WBP4: variants seen among roughly 807,000 people sequenced by gnomAD.
WBP4 encodes the protein WW domain binding protein 4.
A neutral mutation model predicts 55.4 loss-of-function variants in WBP4; 37 were observed. The ratio of observed to expected loss-of-function variants is 0.67; its 90% CI spans 0.51 to 0.88. The LOEUF is 0.88. Among genes scored for constraint, WBP4 ranks in the 40% least tolerant of loss-of-function variants. The probability of loss-of-function intolerance (pLI) is 0.00; values close to 1 mark genes in which losing one functional copy is unlikely to be tolerated. For synonymous variants in WBP4, 142 were observed against 140.2 expected (o/e 1.01, Z -0.09); for missense variants, 398 against 420.8 (o/e 0.95, Z 0.47).
In WBP4 at chr13:41,065,216, A is replaced by T. The variant is rs371424833; in HGVS notation, c.191A>T (p.Glu64Val). The T allele has an allele frequency of 1.3e-5, 20 of 1,586,446 alleles. No homozygotes were observed. The highest frequency in any genetic ancestry group is 1.6e-5 in the Non-Finnish European group (19 of 1,163,290). The change falls in exon 4 of 10, where the codon GAG (glutamate) becomes GTG (valine). Residue 64 changes from glutamate (E) to valine (V), a missense_variant. Glu to Val is a moderately radical substitution (Grantham distance 121). Coordinates refer to ENST00000379487, the MANE Select transcript of WBP4 (RefSeq NM_007187.5). ...AAGGAAGAAGAAAAGGCATCAAAGG[A>T]GTTTGCTGCAATGGAGGCAGCTGCC... Reference protein sequence around the residue: ...KAKEEEKASKEFAAMEAAALK... With the variant: ...KAKEEEKASKVFAAMEAAALK...
chr13:41,062,245 G>T, intron 1 of WBP4: 1 of 984,748 alleles, frequency 1.0e-6, no homozygotes, highest in South Asian at 4.7e-5. Context: ...AGTCTTGTAC[G>T]TTGTTCTCTT....
At position 41,075,532 on chromosome 13, in the gene WBP4, G is replaced by A. The variant is rs917376131; in HGVS notation, c.563-512G>A. The stretch of plus-strand genomic sequence containing the variant: ...GAGTAGTGGGTACTGCAGGAATATG[G>A]CATGATGCCTGCTAACTTTTTAATT... On this transcript the variant is annotated intron_variant, in intron 7 of 9. Transcript: ENST00000379487. 2.8e-4 allele frequency among the ~76,000 whole-genome samples: 43 copies of A among 152,186 alleles called. 1 individual carries two copies. Among genetic ancestry groups the A allele is most frequent in the African/African-American group, 9.9e-4 (41 of 41,534 alleles).
intron 4 of WBP4, among the ~76,000 whole-genome samples, chr13:41,067,217 G>A (rs1400863250): frequency 1.3e-5 from 2 of 152,118 alleles, no homozygotes; most frequent in African/African-American, 4.8e-5. Flanking sequence ...GCTTCCCAAA[G>A]TGCTGGGATT....
At chr13:41,062,848 C>A in intron 2 of WBP4, 132 bp downstream of exon 2, 1 of 670,120 alleles carries the variant, frequency 1.5e-6, no homozygotes, top group Non-Finnish European at 2.3e-6. Flanking sequence ...CAGAAGATTT[C>A]TGTCTTCTCA....
intron 7 of WBP4, among the ~76,000 whole-genome samples, chr13:41,074,510 T>C (rs1406345906): frequency 6.6e-6 from 1 of 152,194 alleles, no homozygotes; most frequent in Admixed American, 6.5e-5. Flanking sequence ...TGATATAATA[T>C]AGCTTTAGAG....
At chr13:41,071,920 T>C (rs1053825556) in intron 6 of WBP4, among the ~76,000 whole-genome samples, 1 of 151,900 alleles carries the variant, frequency 6.6e-6, no homozygotes, top group African/African-American at 2.4e-5. Flanking sequence ...CGCAGTTGCC[T>C]GTAATCCCAG....
intron 6 of WBP4, among the ~76,000 whole-genome samples, chr13:41,071,917 G>A (rs932577068): frequency 6.6e-6 from 1 of 151,946 alleles, no homozygotes; most frequent in African/African-American, 2.4e-5. Flanking sequence ...AGTCGCAGTT[G>A]CCTGTAATCC....
At chr13:41,079,042 CTG>C (rs775375667) in intron 8 of WBP4, among the ~76,000 whole-genome samples, 19 of 152,102 alleles carry the variant, frequency 1.2e-4, no homozygotes, top group Middle Eastern at 3.4e-3. Context: ...TTGGGAAAAA[CTG>C]TTTGCAAACT....
intron 4 of WBP4, 120 bp from the exon 5 acceptor site, chr13:41,068,441 T>G: frequency 2.3e-6 from 2 of 887,446 alleles, no homozygotes; most frequent in Non-Finnish European, 3.2e-6. Flanking sequence ...TATAATAATG[T>G]GTTAAGTTCT....
intron 7 of WBP4, among the ~76,000 whole-genome samples, chr13:41,073,897 C>G (rs1288840178): frequency 6.6e-6 from 1 of 151,674 alleles, no homozygotes; most frequent in Non-Finnish European, 1.5e-5. Flanking sequence ...TGCATAAATA[C>G]TTACGAAGCA....
chr13:41,078,847 GA>G (rs547109483), intron 8 of WBP4, among the ~76,000 whole-genome samples: 20 of 146,074 alleles, frequency 1.4e-4, no homozygotes, highest in South Asian at 4.3e-4. Context: ...AAAAGGAAAA[GA>G]AAAAAAAAAT....
At chr13:41,068,947 T>C (rs1878108163) in intron 5 of WBP4, among the ~76,000 whole-genome samples, 1 of 152,212 alleles carries the variant, frequency 6.6e-6, no homozygotes, top group Non-Finnish European at 1.5e-5. Flanking sequence ...GTCAAAGCCT[T>C]TGATAATGAC....
rs540793970 is a variant in WBP4 at position 41,065,148 on chromosome 13, T to C, written c.139-16T>C. On this transcript the variant is annotated splice_polypyrimidine_tract_variant and intron_variant, in intron 3 of 9. Coordinates refer to ENST00000379487, the MANE Select transcript of WBP4 (RefSeq NM_007187.5). ...GTCCTTTATCTCACTTTCACTGTTATGTATGTCTTACATAGATTAAACAGA... is the reference window on the plus strand; with the variant it reads ...GTCCTTTATCTCACTTTCACTGTTACGTATGTCTTACATAGATTAAACAGA... 4.5e-5 allele frequency: 73 copies of C among 1,606,716 alleles called. No homozygotes were observed. The South Asian group carries it at 5.5e-4, about 12-fold the overall frequency.
intron 1 of WBP4, 21 bp from the exon 2 acceptor site, chr13:41,062,623 C>T (rs1351276286): frequency 1.9e-6 from 3 of 1,610,302 alleles, no homozygotes; most frequent in African/African-American, 1.3e-5. Context: ...TGAGCTTAGC[C>T]TTGTTGTCTC....
chr13:41,062,916 A>G (rs1877764552), intron 2 of WBP4, among the ~76,000 whole-genome samples, 200 bp downstream of exon 2: 1 of 152,204 alleles, frequency 6.6e-6, no homozygotes. Context: ...TTGATTATAT[A>G]TTAAATTATT....
In WBP4 at chr13:41,071,585, A is replaced by G. The variant is rs532270155; in HGVS notation, c.486+12A>G. 6.2e-7 allele frequency: 1 copy of G among 1,600,778 alleles called. No individual in the cohort carries two copies. The highest frequency in any genetic ancestry group is 2.2e-5 in the East Asian group (1 of 44,656). On this transcript the variant is annotated intron_variant, in intron 6 of 9. Transcript: ENST00000379487. ...GAGACTTAAAAAAGGTAATTGAAGC[A>G]TATTAATAGTGTTTTTGTTTTATTC...
chr13:41,083,096 G>A lies in WBP4; in HGVS notation c.*182G>A, dbSNP rs1327744736. The A allele has an allele frequency of 1.6e-6, 1 of 618,634 alleles. No homozygotes were observed. Among genetic ancestry groups the A allele is most frequent in the East Asian group, 3.0e-5 (1 of 33,098 alleles). The allele number at this position is 618,634 out of a possible 1,614,324, so 38.3% of individuals were successfully genotyped here. On this transcript the variant is annotated 3_prime_UTR_variant, in exon 10 of 10. Coordinates refer to ENST00000379487, the MANE Select transcript of WBP4 (RefSeq NM_007187.5). ...ATTTATTTTGGTTCCTAAAATGGAAGCCTACCACATTGCATTGTAATACAG... is the reference window on the plus strand; with the variant it reads ...ATTTATTTTGGTTCCTAAAATGGAAACCTACCACATTGCATTGTAATACAG...
At chr13:41,062,233 GTAGTC>G in intron 1 of WBP4, 1 of 981,950 alleles carries the variant, frequency 1.0e-6, no homozygotes, top group Non-Finnish European at 1.2e-6. Context: ...TTTCCCCAGA[GTAGTC>G]TTGTACGTTG....
At chr13:41,070,371 A>G (rs1425082671) in intron 5 of WBP4, among the ~76,000 whole-genome samples, 2 of 152,116 alleles carry the variant, frequency 1.3e-5, no homozygotes, top group African/African-American at 4.8e-5. Flanking sequence ...ACAGAACAAT[A>G]TGAACCCCAA....
Sources: gnomAD v4.1 joint callset for allele counts (sites outside exome capture counted in the v4.1 genomes callset) on GRCh38, gnomAD v4.1.1 for gene constraint, MANE v1.5 for transcripts, NCBI Gene and HGNC (gene_info 2026-07-23, HGNC 2026-07-21) for gene names.